The following TMPRSS3 variants were observed in gnomAD, a reference collection of about 807,000 sequenced individuals.
TMPRSS3 encodes the protein transmembrane serine protease 3, also known as transmembrane protease serine 3.
In TMPRSS3, 55 loss-of-function variants were observed where a neutral mutation model predicts 59.6. That is an observed-to-expected ratio of 0.92 (90% CI 0.74 to 1.16). The LOEUF is 1.16. Among genes scored for constraint, TMPRSS3 ranks in the 50% most tolerant of loss-of-function variants. The pLI, the probability that TMPRSS3 is intolerant of heterozygous loss-of-function variation, is 0.00. For missense variants in TMPRSS3, 596 were observed against 579.4 expected, an observed-to-expected ratio of 1.03 and a Z score of -0.29; for synonymous variants, 257 against 237.7, an observed-to-expected ratio of 1.08 and a Z score of -0.75.
chr21:42,385,796 C>T (rs1335443370), intron 5 of TMPRSS3, among the ~76,000 whole-genome samples: 1 of 152,206 alleles, frequency 6.6e-6, no homozygotes, highest in Non-Finnish European at 1.5e-5. Flanking sequence ...TGGGCTGCAG[C>T]CACACAGTGA....
intron 7 of TMPRSS3, 126 bp downstream of exon 7, chr21:42,383,844 G>A: frequency 2.0e-6 from 2 of 998,702 alleles, no homozygotes; most frequent in Non-Finnish European, 3.1e-6. Context: ...GGTACACAGA[G>A]TTCCCGCCTG....
Position 42,388,223 on chromosome 21 carries a change from T to A in TMPRSS3, c.446+180A>T, listed in dbSNP as rs184024564. ...TGCCTTGAGCAAGTCACTTAGCCTG[T>A]CTGGCCTTGGTTTGCTTGCCTGTGA... On this transcript the variant is annotated intron_variant, in intron 5 of 12. Transcript: ENST00000644384. This position sits in a 1 kb window ranked among gnomAD's most constrained non-coding sequence, Gnocchi z 5.1. 1.2e-4 allele frequency among the ~76,000 whole-genome samples: 19 copies of A among 152,396 alleles called. No individual in the cohort carries two copies. The highest frequency in any genetic ancestry group is 9.8e-4 in the Admixed American group (15 of 15,314).
intron 2 of TMPRSS3, among the ~76,000 whole-genome samples, chr21:42,391,008 TG>T (rs1349901482): frequency 6.6e-6 from 1 of 152,144 alleles, no homozygotes; most frequent in Non-Finnish European, 1.5e-5. Flanking sequence ...AATAAATTCC[TG>T]TTGTTTTAAG....
intron 11 of TMPRSS3, 43 bp downstream of exon 11, chr21:42,376,498 G>C (rs999765835): frequency 6.2e-7 from 1 of 1,610,386 alleles, no homozygotes; most frequent in African/African-American, 1.3e-5. Context: ...CCCAAGGGCT[G>C]GGTCACCCTG....
intron 9 of TMPRSS3, among the ~76,000 whole-genome samples, chr21:42,381,389 C>T (rs1195611119): frequency 1.3e-5 from 2 of 152,176 alleles, no homozygotes; most frequent in East Asian, 3.9e-4. Flanking sequence ...AATGAGAGGA[C>T]TCCACCACAC....
In TMPRSS3 at chr21:42,383,299, C is replaced by T. The variant is rs1189580097; in HGVS notation, c.617-101G>A. On this transcript the variant is annotated intron_variant, in intron 7 of 12. Coordinates refer to ENST00000644384, the MANE Select transcript of TMPRSS3 (RefSeq NM_001256317.3). The stretch of plus-strand genomic sequence containing the variant: ...TGCTCCTCTCTCCCCACCCTCACTG[C>T]CCCTGCTCCCAGAGCTCACAGCAGC... 29 of 1,305,478 alleles carry T rather than the reference C, an allele frequency of 2.2e-5. 1 individual carries two copies. The East Asian group carries it at 6.3e-4, about 28-fold the overall frequency. The allele number at this position is 1,305,478 out of a possible 1,614,324, so 80.9% of individuals were successfully genotyped here.
chr21:42,387,942 T>A (rs1179629294), intron 5 of TMPRSS3, among the ~76,000 whole-genome samples: 1 of 152,252 alleles, frequency 6.6e-6, no homozygotes, highest in East Asian at 1.9e-4. Flanking sequence ...GTGTTTTGGA[T>A]GATTGTGTCT....
chr21:42,384,990 T>C (rs1368687745), intron 6 of TMPRSS3, among the ~76,000 whole-genome samples: 1 of 151,948 alleles, frequency 6.6e-6, no homozygotes, highest in Non-Finnish European at 1.5e-5. Context: ...GAAGGATAAA[T>C]TTCTATCTTA....
At chr21:42,379,070 A>T (rs549545900) in intron 10 of TMPRSS3, among the ~76,000 whole-genome samples, 1 of 152,116 alleles carries the variant, frequency 6.6e-6, no homozygotes, top group East Asian at 1.9e-4. Context: ...TTTTTAGTAG[A>T]GACAGGGTCT....
At chr21:42,383,702 C>A in intron 7 of TMPRSS3, 1 of 670,658 alleles carries the variant, frequency 1.5e-6, no homozygotes, top group South Asian at 1.6e-5. Flanking sequence ...GGACTCAAGG[C>A]TCTTCAGAGT....
Position 42,385,452 on chromosome 21 carries a change from G to T in TMPRSS3, c.529C>A (p.Pro177Thr). Residue 177 changes from proline to threonine, a missense_variant, in exon 6 of 13, where the codon CCA becomes ACA. Pro to Thr is a conservative substitution (Grantham distance 38). Coordinates refer to ENST00000644384, the MANE Select transcript of TMPRSS3 (RefSeq NM_001256317.3). ...EEFVSIDHLL[P>T]DDKVTALHHS... The stretch of plus-strand genomic sequence containing the variant: ...TGTAATGCAGTCACCTTGTCATCTG[G>T]CAAGAGGTGATCGATGGACACAAAC... The T allele has an allele frequency of 6.2e-7, 1 of 1,614,080 alleles. No individual in the cohort carries two copies. Among genetic ancestry groups the T allele is most frequent in the Non-Finnish European group, 8.5e-7 (1 of 1,180,002 alleles).
At chr21:42,374,931 G>A (rs1217126195) in intron 12 of TMPRSS3, among the ~76,000 whole-genome samples, 1 of 152,052 alleles carries the variant, frequency 6.6e-6, no homozygotes, top group East Asian at 1.9e-4. Flanking sequence ...TAAAGCTGCA[G>A]TTTCTAAGAT....
chr21:42,383,964 T>A lies in TMPRSS3; in HGVS notation c.616+6A>T, dbSNP rs753636934. Reference sequence around the variant, plus strand: ...CCCTGGACCCCTGCCTTTCTGGAACTCTTACCTGTGCACTGCAAGGTAACC... The same window carrying A: ...CCCTGGACCCCTGCCTTTCTGGAACACTTACCTGTGCACTGCAAGGTAACC... On this transcript the variant is annotated splice_donor_region_variant and intron_variant, in intron 7 of 12. Transcript: ENST00000644384. 5.4e-5 allele frequency: 87 copies of A among 1,613,952 alleles called. No homozygotes were observed. Among genetic ancestry groups the A allele is most frequent in the South Asian group, 6.6e-5 (6 of 91,084 alleles).
chr21:42,376,434 G>A (rs1431265351), intron 11 of TMPRSS3, 107 bp downstream of exon 11: 24 of 1,490,386 alleles, frequency 1.6e-5, no homozygotes, highest in East Asian at 2.3e-5. Flanking sequence ...TCTTCTCCAC[G>A]CCCTGTAAAT....
At chr21:42,393,027 A>G (rs1050178630) in intron 2 of TMPRSS3, among the ~76,000 whole-genome samples, 1 of 152,204 alleles carries the variant, frequency 6.6e-6, no homozygotes, top group Admixed American at 6.5e-5. Context: ...ACAAGTATGA[A>G]AAAGCTTTCA....
At position 42,372,270 on chromosome 21, in the gene TMPRSS3, G is replaced by A. The variant is rs115398434; in HGVS notation, c.*492C>T. 3.1e-3 allele frequency: 1,407 copies of A among 449,186 alleles called. 19 individuals are homozygous for A. Among genetic ancestry groups the A allele is most frequent in the African/African-American group, 0.026 (1,280 of 49,932 alleles). The allele number at this position is 449,186 out of a possible 1,614,324, so 27.8% of individuals were successfully genotyped here. On this transcript the variant is annotated 3_prime_UTR_variant, in exon 13 of 13. Transcript: ENST00000644384. ...TTTGTTCTTAGTGAAGATCAGAAAG[G>A]AGCGTGAGGCTAGGCGTGGTGGCCC...
chr21:42,395,704 TCTG>T (rs2052797059), intron 1 of TMPRSS3: 2 of 431,676 alleles, frequency 4.6e-6, no homozygotes, highest in East Asian at 9.8e-5. Context: ...TGAACTTAAT[TCTG>T]CTAAGACAAT....
chr21:42,393,513 A>ACC (rs2052761127), intron 2 of TMPRSS3, among the ~76,000 whole-genome samples: 1 of 151,802 alleles, frequency 6.6e-6, no homozygotes, highest in African/African-American at 2.4e-5. Flanking sequence ...GCAAATATCG[A>ACC]CCCCCAAGGA....
In TMPRSS3 at chr21:42,375,725, C is replaced by A. The variant is rs758055060; in HGVS notation, c.1335G>T (p.Glu445Asp). ...RVTSFLDWIH[E>D]QMERDLKT ...AGGGCGCCGCACCCACCTCCATCTG[C>A]TCGTGGATCCAGTCCAGGAAGGAGG... The change falls in exon 12 of 13, where the codon GAG becomes GAT. Residue 445 changes from glutamate (E) to aspartate (D), a missense_variant. Glu to Asp is a conservative substitution (Grantham distance 45). Coordinates refer to ENST00000644384, the MANE Select transcript of TMPRSS3 (RefSeq NM_001256317.3). The A allele has an allele frequency of 6.2e-7, 1 of 1,613,792 alleles. No homozygotes were observed. Among genetic ancestry groups the A allele is most frequent in the Non-Finnish European group, 8.5e-7 (1 of 1,180,032 alleles).
Sources: allele counts gnomAD v4.1 joint callset (sites outside exome capture counted in the v4.1 genomes callset), GRCh38; gene constraint gnomAD v4.1.1; non-coding constraint Gnocchi (gnomAD v3.1); transcripts MANE v1.5; gene names NCBI Gene and HGNC (gene_info 2026-07-23, HGNC 2026-07-21).